Variants in SCN9A observed in about 807,000 individuals in gnomAD.
The protein encoded by SCN9A is sodium channel protein type 9 subunit alpha.
SCN9A carries 131 observed loss-of-function variants against 187.0 expected under a neutral mutation model. That is an observed-to-expected ratio of 0.70 (90% CI 0.61 to 0.81). The LOEUF is 0.81. Among genes scored for constraint, SCN9A ranks in the 30% least tolerant of loss-of-function variants. The pLI is 0.00. For missense variants in SCN9A, 2,252 were observed against 2,396.6 expected (o/e 0.94, Z 1.26); for synonymous variants, 809 against 808.6 (o/e 1.00, Z -0.01).
At chr2:166,285,333 G>A (rs1697690839) in intron 11 of SCN9A, among the ~76,000 whole-genome samples, 1 of 152,158 alleles carries the variant, frequency 6.6e-6, no homozygotes, top group Non-Finnish European at 1.5e-5. Context: ...TATTTAAAAA[G>A]AAGTTGCCCA....
At chr2:166,305,996 C>T in intron 4 of SCN9A, 76 bp from the exon 5 acceptor site, 1 of 1,553,872 alleles carries the variant, frequency 6.4e-7, no homozygotes, top group African/African-American at 1.4e-5. Flanking sequence ...AACTTATTTT[C>T]TCTAATTAAC....
At chr2:166,249,472 A>G (rs1357199845) in intron 18 of SCN9A, 3 of 152,114 alleles carry the variant, frequency 2.0e-5, no homozygotes, top group Non-Finnish European at 1.5e-5. Context: ...GCTTCACTGA[A>G]TTTATTAGGC....
At chr2:166,345,308 T>C in intron 1 of SCN9A, among the ~76,000 whole-genome samples, 2 of 79,128 alleles carry the variant, frequency 2.5e-5, no homozygotes, top group South Asian at 6.6e-4. Flanking sequence ...GTGCATAACT[T>C]AGAAAAAAAT....
chr2:166,266,469 T>C (rs1452960758), intron 17 of SCN9A, among the ~76,000 whole-genome samples: 1 of 151,966 alleles, frequency 6.6e-6, no homozygotes, highest in Non-Finnish European at 1.5e-5. Flanking sequence ...TATAGCTTTA[T>C]AGTATGTTTT....
intron 10 of SCN9A, among the ~76,000 whole-genome samples, chr2:166,287,144 G>C (rs1000324263): frequency 4.6e-5 from 7 of 152,016 alleles, no homozygotes; most frequent in African/African-American, 1.4e-4. Context: ...TAGTACCTGG[G>C]ATAACCTAGT....
chr2:166,277,440 A>G (rs1444134415), intron 15 of SCN9A, 101 bp from the exon 16 acceptor site: 1 of 685,954 alleles, frequency 1.5e-6, no homozygotes, highest in Non-Finnish European at 2.5e-6. Flanking sequence ...TTTAAGTCCT[A>G]TAATATTGTC....
At chr2:166,297,124 G>C (rs1272402096) in intron 7 of SCN9A, among the ~76,000 whole-genome samples, 1 of 144,476 alleles carries the variant, frequency 6.9e-6, no homozygotes, top group Non-Finnish European at 1.5e-5. Context: ...GTGAACCCGG[G>C]AGGCGGAGCT....
rs553429432 is a variant in SCN9A at position 166,347,576 on chromosome 2, T to C, written c.-51+28121A>G. On this transcript the variant is annotated intron_variant, in intron 1 of 26. Transcript: ENST00000642356. ...TTGGGGAGGAAAGCCTTGAGTTCTG[T>C]GCTATTTAGAATGCCTCTCAACTAA... 1.6e-4 allele frequency among the ~76,000 whole-genome samples: 24 copies of C among 152,346 alleles called. 1 individual carries two copies. Among genetic ancestry groups the C allele is most frequent in the African/African-American group, 5.8e-4 (24 of 41,586 alleles).
At chr2:166,210,583 A>G (rs1694044647) in intron 24 of SCN9A, among the ~76,000 whole-genome samples, 2 of 151,810 alleles carry the variant, frequency 1.3e-5, no homozygotes, top group Non-Finnish European at 2.9e-5. Context: ...AGAAATAAAA[A>G]AAAAAATGAG....
At chr2:166,249,828 C>T (rs138065581) in intron 18 of SCN9A, among the ~76,000 whole-genome samples, 104 of 151,978 alleles carry the variant, frequency 6.8e-4, no homozygotes, top group Non-Finnish European at 1.2e-3. Flanking sequence ...ATTGATAAGC[C>T]CAACTTCTTT....
intron 1 of SCN9A, among the ~76,000 whole-genome samples, chr2:166,331,699 T>C (rs1699507037): frequency 6.6e-6 from 1 of 152,194 alleles, no homozygotes; most frequent in African/African-American, 2.4e-5. Context: ...TCTTCTTCTT[T>C]GAGAAATAAT....
rs1693379308 is a variant in SCN9A, at chr2:166,199,552, G to T, written c.5087C>A (p.Thr1696Asn). The change falls in exon 27 of 27, where the codon ACC (threonine) becomes AAC (asparagine). Residue 1696 changes from threonine (T) to asparagine (N), a missense_variant. Around this residue, in one of 7 missense-constraint regions of SCN9A, gnomAD observed 84 missense variants for 134.2 expected, o/e 0.63. Coordinates refer to ENST00000642356, the MANE Select transcript of SCN9A (RefSeq NM_001365536.1). ...TAGCAATCCATCCCAGCCAGCAGAG[G>T]TTGTAATTTGGAACAGGCAAATCAT... ...NSMICLFQIT[T>N]SAGWDGLLAP... 1 of 1,614,070 alleles carries T rather than the reference G, an allele frequency of 6.2e-7. No individual in the cohort carries two copies. Among genetic ancestry groups the T allele is most frequent in the Non-Finnish European group, 8.5e-7 (1 of 1,180,042 alleles).
intron 17 of SCN9A, among the ~76,000 whole-genome samples, chr2:166,268,607 A>G (rs1696843445): frequency 6.6e-6 from 1 of 151,988 alleles, no homozygotes; most frequent in South Asian, 2.1e-4. Flanking sequence ...GGAAAACAAA[A>G]CAAAACAAAA....
chr2:166,367,685 G>A (rs1574971714), intron 1 of SCN9A, among the ~76,000 whole-genome samples: 1 of 152,154 alleles, frequency 6.6e-6, no homozygotes, highest in Non-Finnish European at 1.5e-5. Context: ...AACAAAATAT[G>A]CGAATCATAG....
intron 6 of SCN9A, 192 bp downstream of exon 6, chr2:166,304,046 T>C (rs769713298): frequency 1.4e-5 from 22 of 1,613,222 alleles, no homozygotes; most frequent in Non-Finnish European, 1.8e-5. Context: ...ATGACTGAAA[T>C]TGTTTTCAAT....
At chr2:166,204,566 A>T (rs2106347409) in intron 24 of SCN9A, 102 bp from the exon 25 acceptor site, 1 of 638,344 alleles carries the variant, frequency 1.6e-6, no homozygotes, top group East Asian at 2.9e-5. Flanking sequence ...ATATAGAAAT[A>T]AAATGTATTT....
At chr2:166,357,417 G>A (rs1041946569) in intron 1 of SCN9A, among the ~76,000 whole-genome samples, 2 of 152,140 alleles carry the variant, frequency 1.3e-5, no homozygotes, top group African/African-American at 2.4e-5. Flanking sequence ...CAGGTAAAAT[G>A]TTCCATTTGT....
intron 24 of SCN9A, among the ~76,000 whole-genome samples, chr2:166,206,208 T>G (rs1264791056): frequency 1.3e-5 from 2 of 152,108 alleles, no homozygotes; most frequent in Non-Finnish European, 2.9e-5. Context: ...TAAAGACACA[T>G]GCATATGTAT....
intron 1 of SCN9A, among the ~76,000 whole-genome samples, chr2:166,356,435 A>T (rs1700152793): frequency 6.6e-6 from 1 of 152,208 alleles, no homozygotes; most frequent in Admixed American, 6.5e-5. Context: ...AACTCCAAGA[A>T]CAGAACATTT....
Sources: allele counts gnomAD v4.1 joint callset (sites outside exome capture counted in the v4.1 genomes callset), GRCh38; gene constraint gnomAD v4.1.1; regional missense constraint gnomAD v4.1.1; transcripts MANE v1.5; gene names NCBI Gene and HGNC (gene_info 2026-07-23, HGNC 2026-07-21).